The following GCC2 variants were observed in gnomAD, a reference collection of about 807,000 sequenced individuals.
GCC2 encodes GRIP and coiled-coil domain-containing protein 2.
In GCC2, 120 loss-of-function variants were observed where a neutral mutation model predicts 210.6. The observed-to-expected ratio is 0.57, with a 90% CI of 0.49 to 0.66. GCC2 has a LOEUF of 0.66. GCC2 is among the 30% of genes least tolerant of loss of function. The probability of loss-of-function intolerance (pLI) is 0.00; values close to 1 mark genes in which losing one functional copy is unlikely to be tolerated. For synonymous variants in GCC2, 703 were observed against 652.7 expected (o/e 1.08, Z -1.17); for missense variants, 1,868 against 1,871.9 (o/e 1.00, Z 0.04).
chr2:108,489,968 A>C lies in GCC2; in HGVS notation c.4183A>C (p.Lys1395Gln). The C allele has an allele frequency of 6.2e-7, 1 of 1,611,092 alleles. No homozygotes were observed. Among genetic ancestry groups the C allele is most frequent in the Non-Finnish European group, 8.5e-7 (1 of 1,178,958 alleles). Residue 1395 changes from lysine to glutamine, a missense_variant, in exon 18 of 23, where the codon AAG (lysine) becomes CAG (glutamine). By Grantham distance (53) the Lys-to-Gln change is moderately conservative (BLOSUM62 1). Transcript: ENST00000309863. ...EHDTLLERHN[K>Q]MLQETVSKEA... Reference sequence around the variant, plus strand: ...TGATACACTGCTAGAAAGGCACAACAAGATGCTGCAGGAAACTGTGTCCAA... The same window carrying C: ...TGATACACTGCTAGAAAGGCACAACCAGATGCTGCAGGAAACTGTGTCCAA...
intron 22 of GCC2, among the ~76,000 whole-genome samples, chr2:108,501,273 C>T (rs1337843493): frequency 7.9e-5 from 12 of 152,052 alleles, no homozygotes; most frequent in Non-Finnish European, 1.5e-4. Flanking sequence ...GTGTGAGCCA[C>T]CACGCCCAGC....
chr2:108,492,437 G>C lies in GCC2; in HGVS notation c.4230-136G>C, dbSNP rs556020342. On this transcript the variant is annotated intron_variant, in intron 18 of 22. Transcript: ENST00000309863. ...GTTATTTCACAATGAGTACAGTGCA[G>C]GTATGTAGGAGAGAAGTTGATTCAT... 4.3e-5 allele frequency: 28 copies of C among 655,750 alleles called. 1 individual carries two copies. Among genetic ancestry groups the C allele is most frequent in the Admixed American group, 3.9e-4 (17 of 43,846 alleles). 40.6% of individuals were successfully genotyped at this position (655,750 alleles called of 1,614,324 possible). A position where few individuals can be genotyped will look rare whatever the true frequency, so the allele number is the denominator to read the frequency against.
At chr2:108,462,316 C>T (rs1680635762) in intron 4 of GCC2, among the ~76,000 whole-genome samples, 2 of 144,708 alleles carry the variant, frequency 1.4e-5, no homozygotes, top group African/African-American at 5.0e-5. Context: ...CACAGTGAAA[C>T]CCCGTCTCTA....
chr2:108,465,384 A>G (rs1391432736), intron 4 of GCC2, among the ~76,000 whole-genome samples: 1 of 152,168 alleles, frequency 6.6e-6, no homozygotes, highest in East Asian at 1.9e-4. Flanking sequence ...TTTGGGGTAC[A>G]AGAGGTTTTT....
intron 12 of GCC2, 107 bp from the exon 13 acceptor site, chr2:108,484,042 C>T (rs1682004743): frequency 1.8e-6 from 1 of 560,326 alleles, no homozygotes; most frequent in East Asian, 3.2e-5. Flanking sequence ...CAGAAAAGCA[C>T]CCATTTATTG....
chr2:108,493,709 C>A (rs1177051542), intron 19 of GCC2: 1 of 985,396 alleles, frequency 1.0e-6, no homozygotes, highest in South Asian at 4.7e-5. Context: ...AATATTGTCA[C>A]TGGAGCATTA....
intron 21 of GCC2, among the ~76,000 whole-genome samples, chr2:108,497,684 G>T (rs371776929): frequency 2.0e-5 from 3 of 152,228 alleles, no homozygotes; most frequent in East Asian, 1.9e-4. Context: ...GTTTAAAGTA[G>T]ACACCAGAAA....
At chr2:108,472,715 C>A in intron 6 of GCC2, 112 bp from the exon 7 acceptor site, 2 of 675,396 alleles carry the variant, frequency 3.0e-6, no homozygotes, top group East Asian at 2.8e-5. Context: ...TAGGAATTCT[C>A]TTTGATAGTG....
intron 4 of GCC2, among the ~76,000 whole-genome samples, chr2:108,453,971 G>C (rs1439974052): frequency 6.6e-6 from 1 of 151,808 alleles, no homozygotes; most frequent in Non-Finnish European, 1.5e-5. Flanking sequence ...ATATCCGTTG[G>C]TTATATATTT....
At chr2:108,484,083 G>GAA in intron 12 of GCC2, 66 bp from the exon 13 acceptor site, 3 of 1,046,054 alleles carry the variant, frequency 2.9e-6, no homozygotes, top group East Asian at 2.9e-5. Context: ...TTTTACAAAT[G>GAA]AAAAAAAAAA....
intron 18 of GCC2, 110 bp downstream of exon 18, chr2:108,490,124 G>A (rs1484914809): frequency 3.8e-6 from 3 of 798,942 alleles, no homozygotes; most frequent in Non-Finnish European, 5.5e-6. Context: ...ATAAAAAATA[G>A]ACATTTCTAA....
rs1681143665 is a variant in GCC2, at chr2:108,470,577, C to T, written c.1248C>T (p.Cys416=). 4 of 1,607,384 alleles carry T rather than the reference C, an allele frequency of 2.5e-6. No individual in the cohort carries two copies. The East Asian group carries it at 8.9e-5, about 36-fold the overall frequency. ...SELAGLNKQF[C]YTVEQHNREV... is the part of the protein sequence containing the mutation. ...TAGCAGGTTTAAATAAACAGTTTTG[C>T]TATACTGTAGAACAGCATAACAGAG... Residue 416 remains cysteine, a synonymous_variant, in exon 6 of 23, where the codon TGC becomes TGT. Transcript: ENST00000309863.
rs1683288429 is a variant in GCC2, at chr2:108,507,977, C to T, written c.*347C>T. On this transcript the variant is annotated 3_prime_UTR_variant, in exon 23 of 23. Coordinates refer to ENST00000309863, the MANE Select transcript of GCC2 (RefSeq NM_181453.4). ...TTGAAGTTAAACTAAATTTTGGTACCATACCAACTGGAATTTAGGCTTTAA... is the reference window on the plus strand; with the variant it reads ...TTGAAGTTAAACTAAATTTTGGTACTATACCAACTGGAATTTAGGCTTTAA... 5.6e-6 allele frequency: 1 copy of T among 177,012 alleles called. No individual in the cohort carries two copies. The highest frequency in any genetic ancestry group is 6.1e-5 in the Admixed American group (1 of 16,452). 11.0% of individuals were successfully genotyped at this position (177,012 alleles called of 1,614,324 possible).
intron 4 of GCC2, among the ~76,000 whole-genome samples, chr2:108,458,654 G>T (rs1319900708): frequency 6.6e-6 from 1 of 151,846 alleles, no homozygotes; most frequent in African/African-American, 2.4e-5. Flanking sequence ...TTCTTTGATA[G>T]GTTGTATGTT....
intron 18 of GCC2, among the ~76,000 whole-genome samples, chr2:108,492,174 G>C (rs1682435364): frequency 6.6e-6 from 1 of 151,166 alleles, no homozygotes; most frequent in South Asian, 2.1e-4. Flanking sequence ...CAGGGTAGTA[G>C]ATAAAAGGGA....
intron 21 of GCC2, among the ~76,000 whole-genome samples, chr2:108,498,137 T>A (rs1682735374): frequency 6.8e-6 from 1 of 147,802 alleles, no homozygotes; most frequent in Non-Finnish European, 1.5e-5. Flanking sequence ...AACAAATCAC[T>A]AACTAGCCCA....
intron 18 of GCC2, among the ~76,000 whole-genome samples, chr2:108,491,582 G>GA (rs1329117535): frequency 6.6e-6 from 1 of 152,076 alleles, no homozygotes; most frequent in Non-Finnish European, 1.5e-5. Flanking sequence ...GTAGCAGGTA[G>GA]AAAAAATATC....
rs576867670 is a variant in GCC2 at position 108,474,152 on chromosome 2, C to T, written c.2860+1253C>T. On this transcript the variant is annotated intron_variant, in intron 7 of 22. Coordinates refer to ENST00000309863, the MANE Select transcript of GCC2 (RefSeq NM_181453.4). ...CAGCCTGGGCGACAGAGGGAGACTC[C>T]GTCTCAAAAAAATAAATAAATAAAG... is the stretch of plus-strand genomic sequence containing the variant. Among the ~76,000 whole-genome samples the T allele has an allele frequency of 7.9e-5, 12 of 151,996 alleles. No homozygotes were observed. In the South Asian group the frequency reaches 1.7e-3, roughly 21 times the overall value.
chr2:108,461,026 G>A (rs542023358), intron 4 of GCC2, among the ~76,000 whole-genome samples: 74 of 152,330 alleles, frequency 4.9e-4, no homozygotes, highest in Middle Eastern at 3.4e-3. Context: ...GCAGCTTGAA[G>A]AACCATGAGC....
Sources: gnomAD v4.1 joint callset for allele counts (sites outside exome capture counted in the v4.1 genomes callset) on GRCh38, gnomAD v4.1.1 for gene constraint, MANE v1.5 for transcripts, NCBI Gene and HGNC (gene_info 2026-07-23, HGNC 2026-07-21) for gene names.